PDLIM5: variants seen among roughly 807,000 people sequenced by gnomAD.
PDLIM5 encodes PDZ and LIM domain 5.
Under a neutral mutation model 64.2 loss-of-function variants are expected in PDLIM5, and 34 were observed. The observed-to-expected ratio is 0.53, with a 90% confidence interval of 0.40 to 0.71. PDLIM5 has a LOEUF of 0.71. PDLIM5 is among the 30% of genes least tolerant of loss of function. PDLIM5 has a pLI of 0.00. For missense variants in PDLIM5, 683 were observed against 733.6 expected, an observed-to-expected ratio of 0.93 and a Z score of 0.80; for synonymous variants, 253 against 269.1, an observed-to-expected ratio of 0.94 and a Z score of 0.59.
At chr4:94,551,625 G>A (rs1732815489) in intron 3 of PDLIM5, among the ~76,000 whole-genome samples, 1 of 152,086 alleles carries the variant, frequency 6.6e-6, no homozygotes, top group African/African-American at 2.4e-5. Flanking sequence ...ATCTTTGGAA[G>A]AAGGAGTCAC....
At chr4:94,485,747 G>C (rs1461595787) in intron 2 of PDLIM5, among the ~76,000 whole-genome samples, 2 of 151,332 alleles carry the variant, frequency 1.3e-5, no homozygotes, top group Non-Finnish European at 2.9e-5. Flanking sequence ...CTACTCAGGA[G>C]GCTGAGTCAG....
chr4:94,576,110 T>A, intron 5 of PDLIM5, 76 bp downstream of exon 5: 1 of 1,322,400 alleles, frequency 7.6e-7, no homozygotes, highest in Non-Finnish European at 1.1e-6. Context: ...TCTACATTCC[T>A]CTCCCCCAAA....
intron 2 of PDLIM5, among the ~76,000 whole-genome samples, chr4:94,509,500 A>AGT (rs1462518608): frequency 1.3e-5 from 2 of 152,190 alleles, no homozygotes; most frequent in African/African-American, 4.8e-5. Flanking sequence ...CCTAGCACTT[A>AGT]GTAGATACTT....
chr4:94,485,294 C>G (rs902284344), intron 2 of PDLIM5, among the ~76,000 whole-genome samples: 13 of 150,230 alleles, frequency 8.7e-5, no homozygotes, highest in Admixed American at 2.0e-4. Context: ...TTCTAGTTTC[C>G]AAGTTCATTT....
intron 2 of PDLIM5, among the ~76,000 whole-genome samples, chr4:94,497,315 GTATTT>G (rs1727487190): frequency 6.6e-6 from 1 of 152,102 alleles, no homozygotes; most frequent in African/African-American, 2.4e-5. Context: ...TTTCTGCTTA[GTATTT>G]TAAAGTTGAG....
chr4:94,538,045 C>T (rs892299265), intron 3 of PDLIM5, among the ~76,000 whole-genome samples: 5 of 152,054 alleles, frequency 3.3e-5, no homozygotes, highest in Non-Finnish European at 5.9e-5. Flanking sequence ...TTTCAAATGC[C>T]GTGGAAACTT....
At chr4:94,547,623 C>T (rs1732438516) in intron 3 of PDLIM5, among the ~76,000 whole-genome samples, 1 of 152,288 alleles carries the variant, frequency 6.6e-6, no homozygotes, top group East Asian at 1.9e-4. Flanking sequence ...AGGACAGGGA[C>T]ATCTTTGGGA....
At chr4:94,641,682 A>G (rs1459741407) in intron 9 of PDLIM5, among the ~76,000 whole-genome samples, 6 of 152,234 alleles carry the variant, frequency 3.9e-5, no homozygotes, top group African/African-American at 1.2e-4. Flanking sequence ...GAATCCTAAT[A>G]CAGTATTTTG....
intron 8 of PDLIM5, 91 bp downstream of exon 8, chr4:94,618,282 A>C: frequency 1.3e-6 from 1 of 789,486 alleles, no homozygotes; most frequent in Non-Finnish European, 1.9e-6. Context: ...TTCACTGGTA[A>C]AACCCATTCT....
At chr4:94,636,359 T>A (rs1254248240) in intron 8 of PDLIM5, among the ~76,000 whole-genome samples, 1 of 151,170 alleles carries the variant, frequency 6.6e-6, no homozygotes, top group East Asian at 1.9e-4. Context: ...TTATTTGAAA[T>A]CCTGAACCTA....
At chr4:94,479,342 T>TC (rs1420050239) in intron 2 of PDLIM5, among the ~76,000 whole-genome samples, 1 of 150,156 alleles carries the variant, frequency 6.7e-6, no homozygotes, top group Non-Finnish European at 1.5e-5. Flanking sequence ...TTTTTTTTTT[T>TC]TTTTGAGACA....
At chr4:94,595,633 T>G (rs968556384) in intron 7 of PDLIM5, among the ~76,000 whole-genome samples, 1 of 152,244 alleles carries the variant, frequency 6.6e-6, no homozygotes, top group African/African-American at 2.4e-5. Flanking sequence ...AAAACTTTGT[T>G]GATATTCATT....
chr4:94,648,041 C>G (rs1213375333), intron 9 of PDLIM5, among the ~76,000 whole-genome samples: 1 of 152,198 alleles, frequency 6.6e-6, no homozygotes, highest in South Asian at 2.1e-4. Flanking sequence ...TGATAGCTGG[C>G]AAATGTCTGC....
chr4:94,532,693 T>G (rs771221656), intron 3 of PDLIM5, among the ~76,000 whole-genome samples: 8 of 152,124 alleles, frequency 5.3e-5, no homozygotes, highest in Non-Finnish European at 1.2e-4. Context: ...ACCCTCACTC[T>G]TTTGGCCTCC....
At chr4:94,522,628 G>A (rs983489433) in intron 2 of PDLIM5, among the ~76,000 whole-genome samples, 1 of 152,014 alleles carries the variant, frequency 6.6e-6, no homozygotes, top group African/African-American at 2.4e-5. Flanking sequence ...TGCCTGTCTC[G>A]GCCTCCCAAA....
chr4:94,548,481 T>C (rs190985464), intron 3 of PDLIM5, among the ~76,000 whole-genome samples: 182 of 152,244 alleles, frequency 1.2e-3, no homozygotes, highest in Middle Eastern at 0.01. Context: ...CAACAGGAAA[T>C]TGGAGAGATA....
intron 3 of PDLIM5, among the ~76,000 whole-genome samples, chr4:94,524,847 A>G (rs1730198080): frequency 6.6e-6 from 1 of 152,182 alleles, no homozygotes; most frequent in Admixed American, 6.5e-5. Context: ...TGATCACTGT[A>G]GTATCCTGGG....
chr4:94,564,673 T>TTTTTTTTTTTTTG lies in PDLIM5; in HGVS notation c.249-8676_249-8675insTTTTTTTTTTGTT, dbSNP rs1195951922. 4.6e-4 allele frequency among the ~76,000 whole-genome samples: 66 copies of TTTTTTTTTTTTTG among 144,908 alleles called. 2 individuals carry two copies. Among genetic ancestry groups the TTTTTTTTTTTTTG allele is most frequent in the African/African-American group, 1.7e-3 (63 of 36,104 alleles). On this transcript the variant is annotated intron_variant, in intron 3 of 12. Transcript: ENST00000317968. ...TTTTGTCTCTTTTTTTTTTTTTTTTTTTGACAGAGTCTTGCTTTGTCTCCC... is the reference window on the plus strand; with the variant it reads ...TTTTGTCTCTTTTTTTTTTTTTTTTTTTTTTTTTTTTTGTTGACAGAGTCTTGCTTTGTCTCCC...
At chr4:94,529,568 T>C (rs1341719547) in intron 3 of PDLIM5, among the ~76,000 whole-genome samples, 1 of 152,186 alleles carries the variant, frequency 6.6e-6, no homozygotes, top group Non-Finnish European at 1.5e-5. Flanking sequence ...AGATACTTGC[T>C]TGAGTCTGGT....
Sources: gnomAD v4.1 joint callset for allele counts (sites outside exome capture counted in the v4.1 genomes callset) on GRCh38, gnomAD v4.1.1 for gene constraint, MANE v1.5 for transcripts, NCBI Gene and HGNC (gene_info 2026-07-23, HGNC 2026-07-21) for gene names.